Variants in SELENOT observed in about 807,000 individuals in gnomAD.
SELENOT encodes selenoprotein T, also known as thioredoxin reductase-like selenoprotein T.
Under a neutral mutation model 24.3 loss-of-function variants are expected in SELENOT, and 9 were observed. The observed-to-expected ratio is 0.37, with a 90% CI of 0.22 to 0.65. SELENOT has a LOEUF of 0.65. SELENOT is among the 30% of genes least tolerant of loss of function. SELENOT has a pLI of 0.60. For missense variants in SELENOT, 166 were observed against 247.6 expected, an observed-to-expected ratio of 0.67 and a Z score of 2.21; for synonymous variants, 81 against 86.0, an observed-to-expected ratio of 0.94 and a Z score of 0.32.
chr3:150,625,207 A>G (rs1726415263), intron 4 of SELENOT, among the ~76,000 whole-genome samples: 1 of 152,072 alleles, frequency 6.6e-6, no homozygotes, highest in Non-Finnish European at 1.5e-5. Flanking sequence ...TGGCTTTAAA[A>G]TAACATCTGT....
At chr3:150,619,146 G>A (rs1030760917) in intron 1 of SELENOT, among the ~76,000 whole-genome samples, 10 of 151,674 alleles carry the variant, frequency 6.6e-5, no homozygotes, top group African/African-American at 2.2e-4. Flanking sequence ...GCGTGAACCC[G>A]GGAGGCGGAG....
chr3:150,604,765 G>T (rs1725921617), intron 1 of SELENOT, among the ~76,000 whole-genome samples: 2 of 152,170 alleles, frequency 1.3e-5, no homozygotes, highest in South Asian at 4.1e-4. Flanking sequence ...GGCCGGGCTC[G>T]CTGGCTCACG....
At chr3:150,626,659 C>G (rs901962208) in intron 4 of SELENOT, among the ~76,000 whole-genome samples, 1 of 152,176 alleles carries the variant, frequency 6.6e-6, no homozygotes, top group African/African-American at 2.4e-5. Flanking sequence ...AGGTTTTCTA[C>G]TCTCATGAAT....
chr3:150,625,908 C>T (rs572231767), intron 4 of SELENOT, among the ~76,000 whole-genome samples: 43 of 145,464 alleles, frequency 3.0e-4, no homozygotes, highest in African/African-American at 8.2e-4. Context: ...CTCGCTGTGT[C>T]GCCCAGGCTG....
intron 1 of SELENOT, among the ~76,000 whole-genome samples, chr3:150,620,500 TA>T (rs1377471940): frequency 6.6e-6 from 1 of 152,230 alleles, no homozygotes; most frequent in Non-Finnish European, 1.5e-5. Context: ...TACTCACCAC[TA>T]AATACTCACT....
intron 1 of SELENOT, chr3:150,611,682 G>C: frequency 6.2e-7 from 1 of 1,601,968 alleles, no homozygotes; most frequent in Non-Finnish European, 8.5e-7. Context: ...GTTGCCTGCT[G>C]CCCGACCGCA....
intron 1 of SELENOT, among the ~76,000 whole-genome samples, chr3:150,605,344 A>G (rs1725938513): frequency 6.6e-6 from 1 of 152,098 alleles, no homozygotes; most frequent in East Asian, 1.9e-4. Context: ...AACACTTGTC[A>G]CAATAATTTA....
intron 1 of SELENOT, chr3:150,611,854 C>CT: frequency 1.1e-6 from 1 of 952,048 alleles, no homozygotes; most frequent in Non-Finnish European, 1.6e-6. Flanking sequence ...CGCCTCCCCA[C>CT]TGCCCAGGCG....
intron 3 of SELENOT, among the ~76,000 whole-genome samples, chr3:150,623,597 CTCTT>C (rs1320384098): frequency 6.6e-6 from 1 of 151,476 alleles, no homozygotes; most frequent in East Asian, 1.9e-4. Flanking sequence ...AAACTCCTCT[CTCTT>C]TTTAAATTAT....
chr3:150,624,933 T>C (rs2108014890), intron 4 of SELENOT, 34 bp downstream of exon 4: 1 of 1,182,992 alleles, frequency 8.5e-7, no homozygotes, highest in Non-Finnish European at 1.2e-6. Flanking sequence ...TTGTGATTGA[T>C]TTTAAATGAT....
chr3:150,619,161 C>A (rs1726281106), intron 1 of SELENOT, among the ~76,000 whole-genome samples: 1 of 143,922 alleles, frequency 6.9e-6, no homozygotes. Context: ...GCGGAGCTTG[C>A]AGTGAGCCGA....
chr3:150,617,590 T>C lies in SELENOT; in HGVS notation c.138-4795T>C, dbSNP rs1274856196. 3.9e-5 allele frequency among the ~76,000 whole-genome samples: 6 copies of C among 152,248 alleles called. No homozygotes were observed. The East Asian group carries it at 9.7e-4, about 25-fold the overall frequency. ...TCAGGTGACATTTGAATAAACCCAATAAAGAAGCCAGGACCCTCCACGTCT... is the reference window on the plus strand; with the variant it reads ...TCAGGTGACATTTGAATAAACCCAACAAAGAAGCCAGGACCCTCCACGTCT... On this transcript the variant is annotated intron_variant, in intron 1 of 5. Transcript: ENST00000471696.
intron 1 of SELENOT, chr3:150,611,687 A>G: frequency 6.2e-7 from 1 of 1,601,816 alleles, no homozygotes; most frequent in South Asian, 1.1e-5. Flanking sequence ...CTGCTGCCCG[A>G]CCGCACCGCT....
chr3:150,623,868 C>T (rs940257474), intron 3 of SELENOT, among the ~76,000 whole-genome samples: 3 of 151,942 alleles, frequency 2.0e-5, no homozygotes, highest in African/African-American at 7.2e-5. Context: ...TTATTTTTCT[C>T]ATGGATTAGA....
intron 1 of SELENOT, among the ~76,000 whole-genome samples, chr3:150,617,824 T>A (rs1283523664): frequency 7.4e-6 from 1 of 135,986 alleles, no homozygotes; most frequent in Admixed American, 7.8e-5. Context: ...ATTCAAAGTG[T>A]TTGCAACTGT....
Position 150,629,537 on chromosome 3 carries a change from A to C in SELENOT, c.*1908A>C, listed in dbSNP as rs1726512900. ...ATAGTTAACTTCATGACATGTAGAC[A>C]TTCAAAACTTGAGCCTTGGATGTTC... On this transcript the variant is annotated 3_prime_UTR_variant, in exon 6 of 6. Transcript: ENST00000471696. 6.6e-6 allele frequency: 1 copy of C among 152,642 alleles called. No homozygotes were observed. The highest frequency in any genetic ancestry group is 1.5e-5 in the Non-Finnish European group (1 of 68,040). 9.5% of individuals were successfully genotyped at this position (152,642 alleles called of 1,614,324 possible).
At chr3:150,620,414 C>T (rs1376405747) in intron 1 of SELENOT, among the ~76,000 whole-genome samples, 1 of 152,158 alleles carries the variant, frequency 6.6e-6, no homozygotes, top group Admixed American at 6.5e-5. Flanking sequence ...GTGGAAAGGG[C>T]CTAGGACCCC....
At chr3:150,627,214 A>T (rs1726465245) in intron 5 of SELENOT, 51 bp downstream of exon 5, 3 of 1,358,144 alleles carry the variant, frequency 2.2e-6, no homozygotes, top group African/African-American at 2.9e-5. Context: ...GATTCTTATG[A>T]CTCAGCAAGT....
At position 150,630,046 on chromosome 3, in the gene SELENOT, G is replaced by A. The variant is rs7979; in HGVS notation, c.*2417G>A. ...TAATAAAAAAAGTTGGTAAAACATG[G>A]TTTTATACCTCAGTGTATAAGATGT... is the stretch of plus-strand genomic sequence containing the variant. On this transcript the variant is annotated 3_prime_UTR_variant, in exon 6 of 6. Coordinates refer to ENST00000471696, the MANE Select transcript of SELENOT (RefSeq NM_016275.5). The A allele has an allele frequency of 0.36, 54,746 of 152,288 alleles. 10,006 individuals carry two copies. Among genetic ancestry groups the A allele is most frequent in the East Asian group, 0.49 (2,532 of 5,154 alleles). The allele number at this position is 152,288 out of a possible 1,614,324, so 9.4% of individuals were successfully genotyped here. A position where few individuals can be genotyped will look rare whatever the true frequency, so the allele number is the denominator to read the frequency against.
Sources: gnomAD v4.1 joint callset for allele counts (sites outside exome capture counted in the v4.1 genomes callset) on GRCh38, gnomAD v4.1.1 for gene constraint, MANE v1.5 for transcripts, NCBI Gene and HGNC (gene_info 2026-07-23, HGNC 2026-07-21) for gene names.